The following PTGER3 variants were observed in gnomAD, a reference collection of about 807,000 sequenced individuals.
PTGER3 encodes prostaglandin E receptor 3, also known as prostaglandin E2 receptor EP3 subtype.
In PTGER3, 22 loss-of-function variants were observed where a neutral mutation model predicts 34.7. The ratio of observed to expected loss-of-function variants is 0.63; its 90% CI spans 0.45 to 0.91. The LOEUF is 0.91. Among genes scored for constraint, PTGER3 ranks in the 40% least tolerant of loss-of-function variants. The probability of loss-of-function intolerance (pLI) is 0.00; values close to 1 mark genes in which losing one functional copy is unlikely to be tolerated. For synonymous variants in PTGER3, 241 were observed against 230.1 expected, an observed-to-expected ratio of 1.05 and a Z score of -0.43; for missense variants, 468 against 519.4, an observed-to-expected ratio of 0.90 and a Z score of 0.96.
chr1:70,953,567 G>C (rs1650992467), intron 3 of PTGER3, among the ~76,000 whole-genome samples: 1 of 152,098 alleles, frequency 6.6e-6, no homozygotes, highest in Admixed American at 6.6e-5. Flanking sequence ...GCTAAGACTT[G>C]GGGATTTGTT....
At chr1:70,866,905 A>T (rs1646054183) in intron 4 of PTGER3, among the ~76,000 whole-genome samples, 1 of 152,102 alleles carries the variant, frequency 6.6e-6, no homozygotes, top group South Asian at 2.1e-4. Context: ...CTGGATTTTA[A>T]ACTACTCTCT....
chr1:70,953,928 A>G (rs1173022599), intron 2 of PTGER3: 2 of 477,784 alleles, frequency 4.2e-6, no homozygotes, highest in Non-Finnish European at 7.4e-6. Flanking sequence ...AAAGTATAGC[A>G]AAAGATAAAC....
intron 4 of PTGER3, among the ~76,000 whole-genome samples, chr1:70,867,777 A>C (rs1646074607): frequency 6.6e-6 from 1 of 152,146 alleles, no homozygotes; most frequent in South Asian, 2.1e-4. Flanking sequence ...GTCAGTAAAT[A>C]CATCCACAAG....
intron 4 of PTGER3, among the ~76,000 whole-genome samples, chr1:70,869,701 C>T (rs1279399186): frequency 1.3e-5 from 2 of 152,218 alleles, no homozygotes; most frequent in African/African-American, 4.8e-5. Context: ...GCAGGGCAGT[C>T]AATAAATCTT....
At chr1:70,999,118 T>C (rs561777486) in intron 2 of PTGER3, among the ~76,000 whole-genome samples, 2 of 152,282 alleles carry the variant, frequency 1.3e-5, no homozygotes, top group South Asian at 4.2e-4. Context: ...CAGAGATGCC[T>C]GAGAACTGTT....
chr1:71,007,678 T>G (rs935405922), intron 2 of PTGER3: 11 of 985,392 alleles, frequency 1.1e-5, no homozygotes, highest in Non-Finnish European at 1.3e-5. Flanking sequence ...CGCATTTCCC[T>G]CTGCTTAACA....
intron 4 of PTGER3, among the ~76,000 whole-genome samples, chr1:70,885,928 T>C (rs1646489117): frequency 6.6e-6 from 1 of 152,136 alleles, no homozygotes; most frequent in South Asian, 2.1e-4. Context: ...TACTGTCCTT[T>C]TGTGACCATT....
intron 4 of PTGER3, among the ~76,000 whole-genome samples, chr1:70,928,205 G>C (rs1024318166): frequency 1.4e-5 from 2 of 147,520 alleles, no homozygotes; most frequent in African/African-American, 4.9e-5. Flanking sequence ...TTATATATAT[G>C]TCTACATAAA....
At position 71,035,791 on chromosome 1, in the gene PTGER3, A is replaced by G. The variant is rs2300180; in HGVS notation, c.897+10890T>C. On this transcript the variant is annotated intron_variant, in intron 1 of 3. Transcript: ENST00000306666. ...CTTTTTTACTCACTCTAATCCATCC[A>G]TCTGGCCTTCTTTCAGTTCCTCCAA... is the stretch of plus-strand genomic sequence containing the variant. 2.0e-4 allele frequency among the ~76,000 whole-genome samples: 31 copies of G among 152,298 alleles called. No homozygotes were observed. In the East Asian group the frequency reaches 6.0e-3, roughly 29 times the overall value.
At chr1:70,917,003 C>G (rs1463313277) in intron 4 of PTGER3, among the ~76,000 whole-genome samples, 2 of 151,982 alleles carry the variant, frequency 1.3e-5, no homozygotes, top group Non-Finnish European at 2.9e-5. Context: ...TTACCCATCA[C>G]TATAAACATT....
At chr1:70,874,057 T>C (rs908888470) in intron 4 of PTGER3, among the ~76,000 whole-genome samples, 1 of 152,234 alleles carries the variant, frequency 6.6e-6, no homozygotes, top group South Asian at 2.1e-4. Flanking sequence ...GTACTTGTTT[T>C]AGACCTGATG....
At chr1:70,882,637 G>A (rs1160783540) in intron 4 of PTGER3, among the ~76,000 whole-genome samples, 2 of 152,208 alleles carry the variant, frequency 1.3e-5, no homozygotes, top group Admixed American at 6.5e-5. Context: ...AAATGACCAG[G>A]TGGCTCTCTA....
At chr1:71,015,316 A>G (rs1278502013) in intron 1 of PTGER3, among the ~76,000 whole-genome samples, 7 of 152,152 alleles carry the variant, frequency 4.6e-5, no homozygotes, top group Non-Finnish European at 2.9e-5. Flanking sequence ...GGGGAAGAAA[A>G]TGTGGGTCTC....
At position 70,953,031 on chromosome 1, in the gene PTGER3, A is replaced by G. The variant is rs1482760216; in HGVS notation, c.1133T>C (p.Ile378Thr). 3.7e-6 allele frequency: 6 copies of G among 1,607,188 alleles called. No homozygotes were observed. In the South Asian group the frequency reaches 5.6e-5, roughly 15 times the overall value. Reference sequence around the variant, plus strand: ...CCCACAATGTGCAGTTGCCCTCTGTATCTGAGAGTTCTGCAAACTGCAGAT... The same window carrying G: ...CCCACAATGTGCAGTTGCCCTCTGTGTCTGAGAGTTCTGCAAACTGCAGAT... Residue 378 changes from isoleucine (I) to threonine (T), a missense_variant, in exon 4 of 4, where the codon ATA (isoleucine) becomes ACA (threonine). By Grantham distance (89) the Ile-to-Thr change is moderately conservative. Coordinates refer to the PTGER3 transcript ENST00000356595.
Position 70,928,627 on chromosome 1 carries a change from C to T in PTGER3, c.*23+25136G>A, listed in dbSNP as rs1455604551. On this transcript the variant is annotated intron_variant, in intron 4 of 4. Transcript: ENST00000370931. ...TAGCCTGGGTGACAGAATGAAACCC[C>T]GTCTGAAAACAAAACAAAACAAAAA... 3.3e-5 allele frequency among the ~76,000 whole-genome samples: 5 copies of T among 151,930 alleles called. No homozygotes were observed. The South Asian group carries it at 1.0e-3, about 32-fold the overall frequency.
intron 4 of PTGER3, among the ~76,000 whole-genome samples, chr1:70,929,240 G>T (rs1310561497): frequency 6.6e-6 from 1 of 151,966 alleles, no homozygotes; most frequent in Non-Finnish European, 1.5e-5. Context: ...CCTTCAAAAG[G>T]GTTTTCCCCA....
chr1:70,938,663 G>A (rs1192333563), intron 4 of PTGER3, among the ~76,000 whole-genome samples: 1 of 152,040 alleles, frequency 6.6e-6, no homozygotes, highest in African/African-American at 2.4e-5. Flanking sequence ...CTTCTTACAT[G>A]GTGGCGGCAA....
intron 1 of PTGER3, among the ~76,000 whole-genome samples, chr1:71,020,936 T>G (rs2100899637): frequency 6.6e-6 from 1 of 152,168 alleles, no homozygotes; most frequent in African/African-American, 2.4e-5. Flanking sequence ...AGCAGAGCAG[T>G]TGCAAAAATT....
At chr1:71,037,306 C>A (rs1659924701) in intron 1 of PTGER3, among the ~76,000 whole-genome samples, 1 of 152,148 alleles carries the variant, frequency 6.6e-6, no homozygotes, top group Admixed American at 6.5e-5. Flanking sequence ...TTTGGCTTAC[C>A]ATCGAGGCTA....
Sources: allele counts gnomAD v4.1 joint callset (sites outside exome capture counted in the v4.1 genomes callset), GRCh38; gene constraint gnomAD v4.1.1; transcripts MANE v1.5; gene names NCBI Gene and HGNC (gene_info 2026-07-23, HGNC 2026-07-21).